The following SYNDIG1L variants were observed in gnomAD, a reference collection of about 807,000 sequenced individuals.
The protein encoded by SYNDIG1L is synapse differentiation inducing 1 like, also known as synapse differentiation-inducing gene protein 1-like.
In SYNDIG1L, 13 loss-of-function variants were observed where a neutral mutation model predicts 20.1. That is an observed-to-expected ratio of 0.65 (90% CI 0.42 to 1.03). SYNDIG1L has a LOEUF of 1.03. Among genes scored for constraint, SYNDIG1L ranks in the 50% least tolerant of loss-of-function variants. The pLI, the probability that SYNDIG1L is intolerant of heterozygous loss-of-function variation, is 0.00. For synonymous variants in SYNDIG1L, 128 were observed against 129.3 expected (o/e 0.99, Z 0.07); for missense variants, 294 against 305.1 (o/e 0.96, Z 0.27).
At chr14:74,479,319 A>G in the SYNDIG1L span, 1 of 152,232 alleles carries the variant, frequency 6.6e-6, no homozygotes, top group African/African-American at 2.4e-5. Context: ...TCACTTGCTC[A>G]CAAGCACTTT....
intron 1 of SYNDIG1L, among the ~76,000 whole-genome samples, chr14:74,424,704 G>A (rs566721315): frequency 1.3e-4 from 20 of 152,278 alleles, no homozygotes; most frequent in African/African-American, 4.8e-4. Context: ...GGAGAAGAGG[G>A]GGTAGGGGTG....
At position 74,423,699 on chromosome 14, in the gene SYNDIG1L, C is replaced by T. The variant is rs200979513; in HGVS notation, c.-58+2213G>A. ...ATTTTGATTGATATATATATACACA[C>T]ACACACACACACACACGTAACACAA... On this transcript the variant is annotated intron_variant, in intron 1 of 3. Coordinates refer to ENST00000331628, the MANE Select transcript of SYNDIG1L (RefSeq NM_001105579.2). Among the ~76,000 whole-genome samples the T allele has an allele frequency of 1.5e-3, 216 of 144,290 alleles. 5 individuals are homozygous for T. The East Asian group carries it at 0.034, about 23-fold the overall frequency. The allele number at this position is 144,290 out of a possible 152,430, so 94.7% of individuals were successfully genotyped here. A position where few individuals can be genotyped will look rare whatever the true frequency, so the allele number is the denominator to read the frequency against.
At chr14:74,429,113 A>G (rs146959315), upstream of SYNDIG1L, among the ~76,000 whole-genome samples, 2 of 152,202 alleles carry the variant, frequency 1.3e-5, no homozygotes, top group South Asian at 2.1e-4. Flanking sequence ...TGTCTTGATT[A>G]TCTGAATGGA....
chr14:74,420,385 T>C (rs2086211974), intron 1 of SYNDIG1L, among the ~76,000 whole-genome samples: 2 of 116,864 alleles, frequency 1.7e-5, no homozygotes, highest in Non-Finnish European at 3.5e-5. Context: ...AGAGTGAGAC[T>C]CTGTCAAAAA....
intron 1 of SYNDIG1L, among the ~76,000 whole-genome samples, chr14:74,423,501 G>A (rs909517412): frequency 2.6e-5 from 4 of 152,324 alleles, no homozygotes; most frequent in Non-Finnish European, 2.9e-5. Context: ...GCCAGAAAGC[G>A]ATGACGTGAG....
the SYNDIG1L span, among the ~76,000 whole-genome samples, chr14:74,438,199 T>A: frequency 2.0e-3 from 311 of 152,310 alleles, no homozygotes; most frequent in African/African-American, 7.3e-3. Context: ...ATCCTAAGTG[T>A]GATCAATAAA....
the SYNDIG1L span, among the ~76,000 whole-genome samples, chr14:74,439,057 T>A: frequency 5.1e-4 from 74 of 145,128 alleles, 1 homozygote; most frequent in South Asian, 1.9e-3. Context: ...GAGGTTGCAG[T>A]GAGCCGAGAT....
intron 1 of SYNDIG1L, among the ~76,000 whole-genome samples, chr14:74,423,653 A>T (rs969899756): frequency 6.6e-6 from 1 of 151,748 alleles, no homozygotes; most frequent in Non-Finnish European, 1.5e-5. Context: ...CAGTTGAGGG[A>T]AATTATTATC....
chr14:74,447,171 A>G, the SYNDIG1L span, among the ~76,000 whole-genome samples: 3 of 152,260 alleles, frequency 2.0e-5, no homozygotes, highest in South Asian at 2.1e-4. Context: ...AACTGTATTA[A>G]TAACAGTTAA....
chr14:74,421,064 C>A (rs1334308479), intron 1 of SYNDIG1L, among the ~76,000 whole-genome samples: 1 of 151,960 alleles, frequency 6.6e-6, no homozygotes, highest in Non-Finnish European at 1.5e-5. Flanking sequence ...GAACAAATGA[C>A]CCAATAAGAT....
Position 74,407,284 on chromosome 14 carries a change from C to T in SYNDIG1L, c.*251G>A. The T allele has an allele frequency of 5.2e-6, 3 of 574,200 alleles. No individual in the cohort carries two copies. The South Asian group carries it at 6.0e-5, about 12-fold the overall frequency. 35.6% of individuals were successfully genotyped at this position (574,200 alleles called of 1,614,324 possible). ...CTGCTGGGATGGCCTGGTGGGCAGC[C>T]CTGCCTTCTGTTTCCCGTCTGTAGC... On this transcript the variant is annotated 3_prime_UTR_variant, in exon 4 of 4. Transcript: ENST00000331628.
chr14:74,463,301 T>A, the SYNDIG1L span, among the ~76,000 whole-genome samples: 1 of 152,180 alleles, frequency 6.6e-6, no homozygotes, highest in South Asian at 2.1e-4. Context: ...CTTTTGCCCC[T>A]CCATGGCTGT....
the SYNDIG1L span, among the ~76,000 whole-genome samples, chr14:74,437,727 A>G: frequency 6.6e-6 from 1 of 152,168 alleles, no homozygotes; most frequent in South Asian, 2.1e-4. Flanking sequence ...CTTGTGTTTT[A>G]CTATTAGCAA....
At chr14:74,414,829 T>A (rs1023489688) in intron 1 of SYNDIG1L, among the ~76,000 whole-genome samples, 3 of 152,094 alleles carry the variant, frequency 2.0e-5, no homozygotes, top group Non-Finnish European at 4.4e-5. Flanking sequence ...GACTAAGTCA[T>A]GTCACGCCAA....
chr14:74,419,538 A>C (rs998559105), intron 1 of SYNDIG1L, among the ~76,000 whole-genome samples: 1 of 152,220 alleles, frequency 6.6e-6, no homozygotes, highest in East Asian at 1.9e-4. Context: ...ACATTTCTTG[A>C]ACAATTACTT....
At chr14:74,411,796 G>C (rs916609258) in intron 1 of SYNDIG1L, among the ~76,000 whole-genome samples, 1 of 152,202 alleles carries the variant, frequency 6.6e-6, no homozygotes, top group African/African-American at 2.4e-5. Context: ...GTGGCTCTCA[G>C]CTCTGAATCC....
chr14:74,417,839 G>A lies in SYNDIG1L; in HGVS notation c.-57-8038C>T, dbSNP rs77568297. Among the ~76,000 whole-genome samples the A allele has an allele frequency of 1.4e-3, 220 of 152,204 alleles. 1 individual carries two copies. Among genetic ancestry groups the A allele is most frequent in the African/African-American group, 5.1e-3 (210 of 41,528 alleles). ...TCTTAAGTGACAGGAATGAGAAATG[G>A]GAGCGTTAAAAAAAGATTAAGAGAT... On this transcript the variant is annotated intron_variant, in intron 1 of 3. Coordinates refer to ENST00000331628, the MANE Select transcript of SYNDIG1L (RefSeq NM_001105579.2).
rs1400897379 is a variant in SYNDIG1L, at chr14:74,423,729, A to C, written c.-58+2183T>G. Among the ~76,000 whole-genome samples the C allele has an allele frequency of 2.6e-5, 4 of 152,030 alleles. No individual in the cohort carries two copies. The East Asian group carries it at 7.7e-4, about 29-fold the overall frequency. The stretch of plus-strand genomic sequence containing the variant: ...ACACACACACACGTAACACAAATAT[A>C]AATTCTCTGTAGGGATGGATATTTC... On this transcript the variant is annotated intron_variant, in intron 1 of 3. Transcript: ENST00000331628.
chr14:74,413,521 T>C lies in SYNDIG1L; in HGVS notation c.-57-3720A>G, dbSNP rs1311738278. On this transcript the variant is annotated intron_variant, in intron 1 of 3. Coordinates refer to ENST00000331628, the MANE Select transcript of SYNDIG1L (RefSeq NM_001105579.2). ...GCATGTAATCTCAACTCCGCCAAAATGTCAAGAGTGATTATCTCCAGGGGT... is the reference window on the plus strand; with the variant it reads ...GCATGTAATCTCAACTCCGCCAAAACGTCAAGAGTGATTATCTCCAGGGGT... 5.3e-5 allele frequency among the ~76,000 whole-genome samples: 8 copies of C among 152,250 alleles called. No individual in the cohort carries two copies. The East Asian group carries it at 1.2e-3, about 22-fold the overall frequency.
Sources: gnomAD v4.1 joint callset for allele counts (sites outside exome capture counted in the v4.1 genomes callset) on GRCh38, gnomAD v4.1.1 for gene constraint, MANE v1.5 for transcripts, NCBI Gene and HGNC (gene_info 2026-07-23, HGNC 2026-07-21) for gene names.